Variants in NEBL observed in about 807,000 individuals in gnomAD.
NEBL encodes the protein nebulette.
A neutral mutation model predicts 140.2 loss-of-function variants in NEBL; 122 were observed. The ratio of observed to expected loss-of-function variants is 0.87; its 90% CI spans 0.75 to 1.01. The LOEUF (loss-of-function observed/expected upper bound fraction) is 1.01. NEBL is among the 50% of genes least tolerant of loss of function. The pLI, the probability that NEBL is intolerant of heterozygous loss-of-function variation, is 0.00. For synonymous variants in NEBL, 436 were observed against 398.9 expected (o/e 1.09, Z -1.11); for missense variants, 1,365 against 1,231.3 (o/e 1.11, Z -1.62).
chr10:21,217,991 T>G (rs920722888), intron 3 of NEBL: 1 of 152,334 alleles, frequency 6.6e-6, no homozygotes, highest in Non-Finnish European at 1.5e-5. Flanking sequence ...GGACATCATT[T>G]GGGGCTCTGA....
chr10:20,887,991 G>C (rs956453792), intron 4 of NEBL, 106 bp downstream of exon 4: 3 of 789,110 alleles, frequency 3.8e-6, no homozygotes, highest in Non-Finnish European at 6.6e-6. Flanking sequence ...ACTTTCATTT[G>C]GTATTTAACA....
At chr10:21,181,722 G>A (rs1038731992) in intron 3 of NEBL, among the ~76,000 whole-genome samples, 3 of 152,198 alleles carry the variant, frequency 2.0e-5, no homozygotes, top group East Asian at 3.9e-4. Flanking sequence ...CCCACAGAGC[G>A]TACTTTCCCA....
At chr10:20,891,219 C>A (rs1207891554) in intron 2 of NEBL, among the ~76,000 whole-genome samples, 2 of 152,150 alleles carry the variant, frequency 1.3e-5, no homozygotes, top group Admixed American at 6.5e-5. Flanking sequence ...ATATCAGATG[C>A]CTACCACATT....
intron 4 of NEBL, among the ~76,000 whole-genome samples, chr10:20,955,045 ATG>A (rs977127483): frequency 1.2e-4 from 19 of 152,344 alleles, no homozygotes; most frequent in Admixed American, 1.1e-3. Context: ...ACATGATCAG[ATG>A]TGCATTTTAG....
Position 21,233,648 on chromosome 10 carries a change from A to C in NEBL, n.348+14273T>G, listed in dbSNP as rs533148958. Among the ~76,000 whole-genome samples, 209 of 145,182 alleles carry C rather than the reference A, an allele frequency of 1.4e-3. 1 individual carries two copies. The highest frequency in any genetic ancestry group is 5.0e-3 in the African/African-American group (200 of 39,924). On this transcript the variant is annotated intron_variant and non_coding_transcript_variant, in intron 3 of 8. Transcript: ENST00000675702. The stretch of plus-strand genomic sequence containing the variant: ...TATCTATATAGAGAGACTTATCTAT[A>C]TATACATATATAGATATATATCTAT...
intron 4 of NEBL, among the ~76,000 whole-genome samples, chr10:20,932,028 A>G (rs1834212503): frequency 6.6e-6 from 1 of 152,208 alleles, no homozygotes; most frequent in African/African-American, 2.4e-5. Flanking sequence ...ATATTCTAGG[A>G]GACATTCTTG....
chr10:20,790,592 C>T (rs1238466757), intron 26 of NEBL, among the ~76,000 whole-genome samples: 1 of 148,280 alleles, frequency 6.7e-6, no homozygotes, highest in Non-Finnish European at 1.5e-5. Flanking sequence ...CAGAGTGAAA[C>T]TCTGTCTCAA....
intron 18 of NEBL, among the ~76,000 whole-genome samples, chr10:20,824,874 C>T (rs1839684858): frequency 1.3e-5 from 2 of 152,178 alleles, no homozygotes; most frequent in Admixed American, 1.3e-4. Flanking sequence ...TATTAAACCA[C>T]AGTACATCGA....
intron 18 of NEBL, among the ~76,000 whole-genome samples, chr10:20,825,897 GT>G (rs1461739592): frequency 2.6e-5 from 4 of 152,150 alleles, no homozygotes; most frequent in Non-Finnish European, 5.9e-5. Flanking sequence ...TGTGTGATTT[GT>G]TTTCGTTTCT....
rs140445401 is a variant in NEBL at position 20,881,646 on chromosome 10, A to G, written c.370-742T>C. On this transcript the variant is annotated intron_variant, in intron 4 of 27. Coordinates refer to ENST00000377122, the MANE Select transcript of NEBL (RefSeq NM_006393.3). Reference sequence around the variant, plus strand: ...TTCATAATGTTTAATTACTTTGTTTAGTTTATGTATAATTACTTATCTATC... The same window carrying G: ...TTCATAATGTTTAATTACTTTGTTTGGTTTATGTATAATTACTTATCTATC... Among the ~76,000 whole-genome samples, 78 of 152,340 alleles carry G rather than the reference A, an allele frequency of 5.1e-4. No homozygotes were observed. In the East Asian group the frequency reaches 0.014, roughly 28 times the overall value.
intron 27 of NEBL, 91 bp downstream of exon 27, chr10:20,787,111 T>C: frequency 1.0e-6 from 1 of 1,004,672 alleles, no homozygotes; most frequent in Non-Finnish European, 1.5e-6. Context: ...AAATACCCAA[T>C]ATTCAATTCA....
intron 3 of NEBL, among the ~76,000 whole-genome samples, chr10:21,246,775 A>G (rs1263822621): frequency 1.3e-5 from 2 of 152,286 alleles, no homozygotes; most frequent in South Asian, 2.1e-4. Flanking sequence ...TTGAGGTTGC[A>G]GTGAGTCATG....
intron 3 of NEBL, among the ~76,000 whole-genome samples, chr10:20,969,340 T>G (rs374011957): frequency 6.6e-6 from 1 of 152,036 alleles, no homozygotes; most frequent in East Asian, 1.9e-4. Flanking sequence ...AAAAATCATG[T>G]CCATAGATTT....
At chr10:21,168,607 A>C (rs554304108) in intron 2 of NEBL, among the ~76,000 whole-genome samples, 2 of 152,210 alleles carry the variant, frequency 1.3e-5, no homozygotes, top group Non-Finnish European at 2.9e-5. Context: ...AAGATGTTAT[A>C]ATAATGCATT....
intron 9 of NEBL, among the ~76,000 whole-genome samples, chr10:20,852,993 G>T (rs1169889676): frequency 6.6e-6 from 1 of 152,216 alleles, no homozygotes; most frequent in Non-Finnish European, 1.5e-5. Flanking sequence ...AAAGCAATTT[G>T]TCTTGCTCTT....
chr10:21,101,127 A>G (rs1331791443), intron 2 of NEBL, among the ~76,000 whole-genome samples: 3 of 152,218 alleles, frequency 2.0e-5, no homozygotes, highest in Non-Finnish European at 4.4e-5. Context: ...TCTCCTAGCC[A>G]CATGACTCAA....
chr10:20,898,178 A>C (rs1847659738), upstream of NEBL, among the ~76,000 whole-genome samples: 1 of 152,146 alleles, frequency 6.6e-6, no homozygotes, highest in Admixed American at 6.6e-5. Flanking sequence ...GGTTAAAAAA[A>C]AATTTCTCAA....
chr10:20,943,839 A>ATCC (rs1253097354), intron 4 of NEBL, among the ~76,000 whole-genome samples: 3 of 152,218 alleles, frequency 2.0e-5, no homozygotes. Context: ...TCAAGCAAGC[A>ATCC]TCCTCATAAG....
chr10:21,186,744 T>G (rs1841477756), intron 3 of NEBL, among the ~76,000 whole-genome samples: 1 of 152,164 alleles, frequency 6.6e-6, no homozygotes, highest in Non-Finnish European at 1.5e-5. Context: ...CTTCTTCCAT[T>G]GTGGCCCAGG....
Sources: allele counts gnomAD v4.1 joint callset (sites outside exome capture counted in the v4.1 genomes callset), GRCh38; gene constraint gnomAD v4.1.1; transcripts MANE v1.5; gene names NCBI Gene and HGNC (gene_info 2026-07-23, HGNC 2026-07-21).